Variants in HPSE2 observed in about 807,000 individuals in gnomAD.
HPSE2 encodes the protein heparanase 2 (inactive).
HPSE2 carries 38 observed loss-of-function variants against 60.5 expected under a neutral mutation model. The observed-to-expected ratio is 0.63, with a 90% CI of 0.48 to 0.82. HPSE2 has a LOEUF of 0.82. HPSE2 is among the 40% of genes least tolerant of loss of function. HPSE2 has a pLI of 0.00. For synonymous variants in HPSE2, 295 were observed against 293.2 expected (o/e 1.01, Z -0.06); for missense variants, 713 against 740.4 (o/e 0.96, Z 0.43).
At chr10:99,287,211 A>G in the HPSE2 span, among the ~76,000 whole-genome samples, 2 of 152,132 alleles carry the variant, frequency 1.3e-5, no homozygotes, top group East Asian at 1.9e-4. Flanking sequence ...TCAGACATCC[A>G]AGAGATTTAC....
intron 3 of HPSE2, among the ~76,000 whole-genome samples, chr10:98,753,457 T>C (rs574745495): frequency 6.6e-6 from 1 of 152,296 alleles, no homozygotes; most frequent in South Asian, 2.1e-4. Flanking sequence ...TCAATGTTAA[T>C]AGCAGCATTA....
chr10:98,940,374 G>T, intron 3 of HPSE2, among the ~76,000 whole-genome samples: 1 of 143,018 alleles, frequency 7.0e-6, no homozygotes, highest in Non-Finnish European at 1.5e-5. Flanking sequence ...GAATCAAATA[G>T]ACGCAATAAA....
intron 10 of HPSE2, among the ~76,000 whole-genome samples, chr10:98,486,929 GC>G (rs1941461483): frequency 6.6e-6 from 1 of 152,114 alleles, no homozygotes; most frequent in Non-Finnish European, 1.5e-5. Flanking sequence ...TTTTGTAAGA[GC>G]CATTTGATGT....
chr10:99,303,607 T>C, the HPSE2 span, among the ~76,000 whole-genome samples: 1 of 152,324 alleles, frequency 6.6e-6, no homozygotes. Context: ...GAATAGCTAG[T>C]TGGGTACACC....
At chr10:98,747,217 G>T (rs539494767) in intron 3 of HPSE2, among the ~76,000 whole-genome samples, 1 of 152,076 alleles carries the variant, frequency 6.6e-6, no homozygotes, top group African/African-American at 2.4e-5. Flanking sequence ...TAGTTTCAAT[G>T]ACATCTATTA....
intron 9 of HPSE2, among the ~76,000 whole-genome samples, chr10:98,521,312 A>G (rs1288088277): frequency 2.0e-5 from 3 of 152,180 alleles, no homozygotes; most frequent in Non-Finnish European, 4.4e-5. Context: ...CTCCATCAAA[A>G]AGTGGGCAAA....
chr10:98,985,136 G>C (rs1330286283), intron 3 of HPSE2, among the ~76,000 whole-genome samples: 1 of 152,168 alleles, frequency 6.6e-6, no homozygotes, highest in Non-Finnish European at 1.5e-5. Context: ...AGGAAATACA[G>C]AGAACGCCAC....
intron 7 of HPSE2, among the ~76,000 whole-genome samples, chr10:98,635,952 C>T (rs994482826): frequency 6.6e-6 from 1 of 152,034 alleles, no homozygotes; most frequent in Non-Finnish European, 1.5e-5. Flanking sequence ...CACATATGTT[C>T]TTGTTCATAT....
chr10:98,733,858 T>A (rs776609000), intron 4 of HPSE2, among the ~76,000 whole-genome samples: 2 of 152,206 alleles, frequency 1.3e-5, no homozygotes, highest in African/African-American at 4.8e-5. Context: ...AATAGCTTCA[T>A]TGAGATATAA....
intron 3 of HPSE2, among the ~76,000 whole-genome samples, chr10:98,904,421 G>A (rs1331506420): frequency 6.6e-6 from 1 of 152,148 alleles, no homozygotes; most frequent in Non-Finnish European, 1.5e-5. Context: ...GCAGAAGGCA[G>A]GGCTTTGAAG....
chr10:98,637,341 A>G (rs1946524563), intron 7 of HPSE2, among the ~76,000 whole-genome samples: 1 of 152,250 alleles, frequency 6.6e-6, no homozygotes, highest in African/African-American at 2.4e-5. Flanking sequence ...AGGAAAGAGG[A>G]GAAAAAGCAA....
At position 98,948,927 on chromosome 10, in the gene HPSE2, CAT is replaced by C. The variant is rs1217485533; in HGVS notation, c.610+195309_610+195310del. Among the ~76,000 whole-genome samples the C allele has an allele frequency of 2.0e-5, 3 of 152,078 alleles. No individual in the cohort carries two copies. In the South Asian group the frequency reaches 6.2e-4, roughly 32 times the overall value. On this transcript the variant is annotated intron_variant, in intron 3 of 11. Coordinates refer to ENST00000370552, the MANE Select transcript of HPSE2 (RefSeq NM_021828.5). ...AGAATATACAATATAATAAATACAA[CAT>C]ATAAAATATGTGTTAACTGGCTGTT... is the stretch of plus-strand genomic sequence containing the variant.
At chr10:98,587,865 C>A (rs572537444) in intron 9 of HPSE2, among the ~76,000 whole-genome samples, 1 of 152,248 alleles carries the variant, frequency 6.6e-6, no homozygotes, top group Admixed American at 6.5e-5. Flanking sequence ...AGATCTTAAA[C>A]CAATGTTTTA....
chr10:99,155,934 C>T (rs1177054178), intron 2 of HPSE2, among the ~76,000 whole-genome samples: 1 of 151,656 alleles, frequency 6.6e-6, no homozygotes, highest in Non-Finnish European at 1.5e-5. Context: ...ACCGATCCCA[C>T]AGAAATACAA....
intron 3 of HPSE2, among the ~76,000 whole-genome samples, chr10:98,995,688 T>C (rs1181291342): frequency 6.6e-6 from 1 of 151,800 alleles, no homozygotes; most frequent in African/African-American, 2.4e-5. Context: ...AGGAAAAAAA[T>C]ACAACACTTA....
intron 3 of HPSE2, among the ~76,000 whole-genome samples, chr10:98,850,227 C>T (rs1952136920): frequency 6.6e-6 from 1 of 152,122 alleles, no homozygotes; most frequent in Admixed American, 6.5e-5. Context: ...GCACACAAAT[C>T]ATCCCATATA....
At chr10:98,697,997 T>C (rs1364724862) in intron 5 of HPSE2, among the ~76,000 whole-genome samples, 1 of 148,698 alleles carries the variant, frequency 6.7e-6, no homozygotes. Context: ...AAGCAAGTCC[T>C]GAGTGACCTA....
chr10:99,285,563 G>A, the HPSE2 span, among the ~76,000 whole-genome samples: 4 of 149,556 alleles, frequency 2.7e-5, no homozygotes, highest in African/African-American at 7.4e-5. Context: ...GAGGGGAAGG[G>A]AAAGGTGAGG....
At chr10:99,017,636 C>T (rs1957172497) in intron 3 of HPSE2, among the ~76,000 whole-genome samples, 1 of 152,084 alleles carries the variant, frequency 6.6e-6, no homozygotes, top group South Asian at 2.1e-4. Flanking sequence ...TAGAAATCGG[C>T]TGTGAATCTG....
Sources: allele counts gnomAD v4.1 joint callset (sites outside exome capture counted in the v4.1 genomes callset), GRCh38; gene constraint gnomAD v4.1.1; transcripts MANE v1.5; gene names NCBI Gene and HGNC (gene_info 2026-07-23, HGNC 2026-07-21).